ADAMTSL1: variants seen among roughly 807,000 people sequenced by gnomAD.
ADAMTSL1 encodes the protein ADAMTS-like protein 1.
A neutral mutation model predicts 201.8 loss-of-function variants in ADAMTSL1; 126 were observed. The ratio of observed to expected loss-of-function variants is 0.62; its 90% CI spans 0.54 to 0.72. The LOEUF is 0.72. ADAMTSL1 is among the 30% of genes least tolerant of loss of function. The probability of loss-of-function intolerance (pLI) is 0.00; values close to 1 mark genes in which losing one functional copy is unlikely to be tolerated. For missense variants in ADAMTSL1, 2,679 were observed against 2,277.8 expected (o/e 1.18, Z -3.59); for synonymous variants, 1,121 against 903.4 (o/e 1.24, Z -4.32).
At chr9:18,806,911 C>A (rs950034140) in intron 20 of ADAMTSL1, among the ~76,000 whole-genome samples, 3 of 152,096 alleles carry the variant, frequency 2.0e-5, no homozygotes, top group Non-Finnish European at 4.4e-5. Context: ...GAGTTTTAGC[C>A]ATATGTCAGG....
At chr9:18,428,899 G>T (rs1376343989) in intron 2 of ADAMTSL1, among the ~76,000 whole-genome samples, 1 of 152,162 alleles carries the variant, frequency 6.6e-6, no homozygotes, top group Admixed American at 6.5e-5. Context: ...AAACTGAGCA[G>T]ATTAGCTATT....
At chr9:18,626,634 G>T (rs1270071338) in intron 5 of ADAMTSL1, among the ~76,000 whole-genome samples, 3 of 152,136 alleles carry the variant, frequency 2.0e-5, no homozygotes, top group Admixed American at 1.3e-4. Context: ...GTTGTTGGAG[G>T]ATTTTGAACA....
intron 3 of ADAMTSL1, among the ~76,000 whole-genome samples, chr9:18,536,443 C>CTT (rs34201579): frequency 3.5e-5 from 5 of 142,702 alleles, no homozygotes; most frequent in East Asian, 2.1e-4. Flanking sequence ...CCCAGTTTCC[C>CTT]TTTTTTTTTT....
chr9:18,325,022 T>G (rs550631070), intron 2 of ADAMTSL1, among the ~76,000 whole-genome samples: 1 of 152,080 alleles, frequency 6.6e-6, no homozygotes, highest in Admixed American at 6.6e-5. Context: ...ATCAGGAAAA[T>G]GCAAATTATA....
At chr9:18,607,144 G>A (rs1825073331) in intron 4 of ADAMTSL1, among the ~76,000 whole-genome samples, 2 of 152,200 alleles carry the variant, frequency 1.3e-5, no homozygotes, top group African/African-American at 2.4e-5. Flanking sequence ...GTTGTGGGGA[G>A]CATGTTCATA....
intron 1 of ADAMTSL1, among the ~76,000 whole-genome samples, chr9:18,148,138 A>G (rs1826735460): frequency 6.6e-6 from 1 of 152,124 alleles, no homozygotes; most frequent in South Asian, 2.1e-4. Flanking sequence ...TAATGTGTCT[A>G]CAACAAAAAC....
chr9:18,800,104 C>T (rs182134570), intron 20 of ADAMTSL1, among the ~76,000 whole-genome samples: 21 of 152,214 alleles, frequency 1.4e-4, no homozygotes, highest in Non-Finnish European at 2.6e-4. Flanking sequence ...GGCCCAGGCA[C>T]GGTGGCTCAT....
At chr9:18,778,466 C>G (rs906908305) in intron 19 of ADAMTSL1, among the ~76,000 whole-genome samples, 2 of 152,218 alleles carry the variant, frequency 1.3e-5, no homozygotes, top group African/African-American at 4.8e-5. Context: ...CTCCTGTTGT[C>G]TCTGTTTTGA....
In ADAMTSL1 at chr9:17,980,791, T is replaced by C. The variant is rs55853363; in HGVS notation, c.87+73869T>C. Among the ~76,000 whole-genome samples the C allele has an allele frequency of 8.3e-3, 1,270 of 152,254 alleles. 17 individuals are homozygous for C. Among genetic ancestry groups the C allele is most frequent in the African/African-American group, 0.029 (1,207 of 41,564 alleles). Reference sequence around the variant, plus strand: ...GGCTGGTATATAAAGAAAATACATTTATTTGGCTTACAGTTCTGCAGGCTG... The same window carrying C: ...GGCTGGTATATAAAGAAAATACATTCATTTGGCTTACAGTTCTGCAGGCTG... On this transcript the variant is annotated intron_variant, in intron 1 of 29. Coordinates refer to the ADAMTSL1 transcript ENST00000680146.
chr9:18,733,629 C>CCCCCCCCCCACCCA (rs1564190770), intron 15 of ADAMTSL1, among the ~76,000 whole-genome samples: 1 of 138,578 alleles, frequency 7.2e-6, no homozygotes, highest in South Asian at 2.4e-4. Flanking sequence ...CACCACCACT[C>CCCCCCCCCCACCCA]CCCCCACACA....
At chr9:18,845,813 G>A (rs759432825) in intron 23 of ADAMTSL1, among the ~76,000 whole-genome samples, 12 of 152,182 alleles carry the variant, frequency 7.9e-5, no homozygotes, top group East Asian at 1.9e-4. Context: ...ATAATATCAC[G>A]CTGGTATGAA....
chr9:18,172,340 C>T (rs1827936990), intron 2 of ADAMTSL1, among the ~76,000 whole-genome samples: 1 of 151,950 alleles, frequency 6.6e-6, no homozygotes, highest in African/African-American at 2.4e-5. Context: ...AAAAATGAAT[C>T]ATTAGAAGGA....
intron 1 of ADAMTSL1, among the ~76,000 whole-genome samples, chr9:17,927,900 G>C (rs1826617736): frequency 6.6e-6 from 1 of 151,808 alleles, no homozygotes; most frequent in Non-Finnish European, 1.5e-5. Flanking sequence ...CACTTGAGTT[G>C]CTTTCACTTT....
chr9:18,038,850 T>C (rs1295098333), intron 1 of ADAMTSL1, among the ~76,000 whole-genome samples: 1 of 152,210 alleles, frequency 6.6e-6, no homozygotes, highest in Non-Finnish European at 1.5e-5. Flanking sequence ...GTCTATTGTG[T>C]AAACTTTACC....
At chr9:18,179,877 G>C (rs948976055) in intron 2 of ADAMTSL1, among the ~76,000 whole-genome samples, 1 of 151,792 alleles carries the variant, frequency 6.6e-6, no homozygotes, top group Non-Finnish European at 1.5e-5. Context: ...TGAAGGAAGC[G>C]CTAAACATGG....
chr9:18,637,773 A>C (rs1037383589), intron 6 of ADAMTSL1, among the ~76,000 whole-genome samples: 5 of 152,120 alleles, frequency 3.3e-5, no homozygotes, highest in East Asian at 1.9e-4. Context: ...GTGTGAAACC[A>C]ACCTTAAATA....
chr9:18,329,998 G>A (rs1372157746), intron 2 of ADAMTSL1, among the ~76,000 whole-genome samples: 2 of 152,168 alleles, frequency 1.3e-5, no homozygotes, highest in Admixed American at 6.5e-5. Context: ...TAATTTCTGA[G>A]TCTTGTTTTC....
Position 18,504,874 on chromosome 9 carries a change from G to A in ADAMTSL1, c.109G>A (p.Asp37Asn). The change falls in exon 2 of 29, where the codon GAT becomes AAT. Residue 37 changes from aspartate (D) to asparagine (N), a missense_variant. By Grantham distance (23) the Asp-to-Asn change is conservative. Transcript: ENST00000380548. ...CGAGGAGGACCGGGACGGCCTATGGGATGCCTGGGGCCCATGGAGTGAATG... is the reference window on the plus strand; with the variant it reads ...CGAGGAGGACCGGGACGGCCTATGGAATGCCTGGGGCCCATGGAGTGAATG... ...RSEEDRDGLW[D>N]AWGPWSECSR... is the part of the protein sequence containing the mutation. 1.2e-6 allele frequency: 2 copies of A among 1,613,912 alleles called. No individual in the cohort carries two copies. The highest frequency in any genetic ancestry group is 1.7e-6 in the Non-Finnish European group (2 of 1,179,980).
At chr9:18,341,092 G>T (rs927276807) in intron 2 of ADAMTSL1, among the ~76,000 whole-genome samples, 1 of 152,064 alleles carries the variant, frequency 6.6e-6, no homozygotes, top group African/African-American at 2.4e-5. Context: ...TGGCTGATCT[G>T]TCAGGAACAC....
Sources: allele counts gnomAD v4.1 joint callset (sites outside exome capture counted in the v4.1 genomes callset), GRCh38; gene constraint gnomAD v4.1.1; transcripts MANE v1.5; gene names NCBI Gene and HGNC (gene_info 2026-07-23, HGNC 2026-07-21).